The following PPP3CA variants were observed in gnomAD, a reference collection of about 807,000 sequenced individuals.
PPP3CA encodes protein phosphatase 3 catalytic subunit alpha, also known as CAM-PRP catalytic subunit.
A neutral mutation model predicts 66.5 loss-of-function variants in PPP3CA; 14 were observed. The ratio of observed to expected loss-of-function variants is 0.21; its 90% CI spans 0.14 to 0.33. The LOEUF (loss-of-function observed/expected upper bound fraction) is 0.33, where lower values mean the gene tolerates loss of function less well. Among genes scored for constraint, PPP3CA ranks in the 10% least tolerant of loss-of-function variants. The pLI, the probability that PPP3CA is intolerant of heterozygous loss-of-function variation, is 1.00. For missense variants in PPP3CA, 317 were observed against 639.5 expected, an observed-to-expected ratio of 0.50 and a Z score of 5.44; for synonymous variants, 232 against 226.2, an observed-to-expected ratio of 1.03 and a Z score of -0.23.
chr4:101,248,172 C>T (rs773910140), intron 1 of PPP3CA, among the ~76,000 whole-genome samples: 69 of 152,282 alleles, frequency 4.5e-4, no homozygotes, highest in Admixed American at 1.0e-3. Flanking sequence ...ACCAATACTT[C>T]GTTCCTTCCG....
At chr4:101,132,083 C>A (rs1722461599) in intron 2 of PPP3CA, among the ~76,000 whole-genome samples, 1 of 152,160 alleles carries the variant, frequency 6.6e-6, no homozygotes, top group Non-Finnish European at 1.5e-5. Flanking sequence ...GTACCAGATT[C>A]TCTGGGACAC....
intron 2 of PPP3CA, among the ~76,000 whole-genome samples, chr4:101,151,377 T>C (rs143914067): frequency 0.026 from 3,921 of 151,952 alleles, 190 homozygotes; most frequent in African/African-American, 0.088. Flanking sequence ...CTGGCCAAGA[T>C]GGTGAAACAC....
chr4:101,175,642 T>C (rs1194883228), intron 2 of PPP3CA, among the ~76,000 whole-genome samples: 1 of 152,198 alleles, frequency 6.6e-6, no homozygotes, highest in Non-Finnish European at 1.5e-5. Context: ...TTTGTAATTC[T>C]GCAGCTGTAT....
chr4:101,340,973 T>C (rs749050951), intron 1 of PPP3CA, among the ~76,000 whole-genome samples: 1 of 152,160 alleles, frequency 6.6e-6, no homozygotes, highest in Non-Finnish European at 1.5e-5. Flanking sequence ...TATATTTACC[T>C]GAACAGAAAG....
intron 10 of PPP3CA, among the ~76,000 whole-genome samples, chr4:101,042,708 T>C (rs1377026180): frequency 6.6e-6 from 1 of 152,160 alleles, no homozygotes; most frequent in African/African-American, 2.4e-5. Context: ...ATTAAGATTA[T>C]ACATCAAATT....
At chr4:101,096,454 C>T (rs969577469) in intron 5 of PPP3CA, among the ~76,000 whole-genome samples, 6 of 152,098 alleles carry the variant, frequency 3.9e-5, no homozygotes, top group Non-Finnish European at 5.9e-5. Context: ...CTGGTGATTG[C>T]GTCTTAAACA....
At chr4:101,127,464 T>C (rs149157054) in intron 2 of PPP3CA, among the ~76,000 whole-genome samples, 1 of 152,082 alleles carries the variant, frequency 6.6e-6, no homozygotes, top group East Asian at 1.9e-4. Flanking sequence ...AGAGAGGCCA[T>C]GTAAAGATGG....
At chr4:101,143,053 T>A (rs149382807) in intron 2 of PPP3CA, among the ~76,000 whole-genome samples, 1 of 152,274 alleles carries the variant, frequency 6.6e-6, no homozygotes, top group African/African-American at 2.4e-5. Flanking sequence ...TCTCCAGGTT[T>A]CTCCTTAGCC....
At chr4:101,159,962 A>T (rs1408541713) in intron 2 of PPP3CA, among the ~76,000 whole-genome samples, 2 of 152,168 alleles carry the variant, frequency 1.3e-5, no homozygotes, top group Non-Finnish European at 2.9e-5. Context: ...AACTATCTAT[A>T]AAATATTCTG....
At chr4:101,083,296 G>T in intron 6 of PPP3CA, 33 bp from the exon 7 acceptor site, 1 of 1,567,324 alleles carries the variant, frequency 6.4e-7, no homozygotes, top group Non-Finnish European at 8.8e-7. Context: ...GGAAGCATCT[G>T]TTAGGAAATC....
chr4:101,052,168 C>T lies in PPP3CA; in HGVS notation c.1156+8919G>A, dbSNP rs576748559. Among the ~76,000 whole-genome samples the T allele has an allele frequency of 1.4e-4, 22 of 152,114 alleles. 1 individual carries two copies. In the South Asian group the frequency reaches 3.9e-3, roughly 27 times the overall value. Reference sequence around the variant, plus strand: ...AGTACTTCTGATACCTATATTACTGCACCATTTTAATTGCTAAATTAAAAC... The same window carrying T: ...AGTACTTCTGATACCTATATTACTGTACCATTTTAATTGCTAAATTAAAAC... On this transcript the variant is annotated intron_variant, in intron 10 of 13. Coordinates refer to ENST00000394854, the MANE Select transcript of PPP3CA (RefSeq NM_000944.5).
chr4:101,256,062 C>T (rs1726830563), intron 1 of PPP3CA, among the ~76,000 whole-genome samples: 2 of 151,874 alleles, frequency 1.3e-5, no homozygotes, highest in South Asian at 4.1e-4. Flanking sequence ...ATATTCTTTT[C>T]TGCCCCTGAA....
intron 6 of PPP3CA, among the ~76,000 whole-genome samples, chr4:101,092,288 AAATGT>A (rs1160962787): frequency 6.6e-6 from 1 of 152,212 alleles, no homozygotes; most frequent in Non-Finnish European, 1.5e-5. Context: ...CCTGATAAAC[AAATGT>A]AAGAAGGAAT....
At position 101,139,512 on chromosome 4, in the gene PPP3CA, T is replaced by C. The variant is rs151248782; in HGVS notation, c.260-30434A>G. Among the ~76,000 whole-genome samples, 17 of 152,226 alleles carry C rather than the reference T, an allele frequency of 1.1e-4. No homozygotes were observed. The East Asian group carries it at 3.1e-3, about 28-fold the overall frequency. ...CTGTGTCCTCTAAGTACCCAGATTA[T>C]GCCTTGCATCTGTACATTGTGGGAG... is the stretch of plus-strand genomic sequence containing the variant. On this transcript the variant is annotated intron_variant, in intron 2 of 13. Transcript: ENST00000394854.
intron 2 of PPP3CA, among the ~76,000 whole-genome samples, chr4:101,127,994 C>T (rs1722299948): frequency 6.6e-6 from 1 of 152,168 alleles, no homozygotes; most frequent in Admixed American, 6.5e-5. Flanking sequence ...AGGATCCTTA[C>T]TGATGTCAGC....
chr4:101,092,143 G>A (rs1319422666), intron 6 of PPP3CA, among the ~76,000 whole-genome samples: 2 of 151,870 alleles, frequency 1.3e-5, no homozygotes, highest in Non-Finnish European at 2.9e-5. Flanking sequence ...CATGTAATGG[G>A]TAAATCTCTA....
intron 1 of PPP3CA, among the ~76,000 whole-genome samples, chr4:101,202,329 T>C (rs932184334): frequency 1.3e-5 from 2 of 152,208 alleles, no homozygotes; most frequent in Non-Finnish European, 2.9e-5. Context: ...AATACGTGAA[T>C]TCTGATTCTA....
intron 1 of PPP3CA, among the ~76,000 whole-genome samples, chr4:101,213,484 C>G (rs943159674): frequency 6.6e-6 from 1 of 151,950 alleles, no homozygotes; most frequent in Non-Finnish European, 1.5e-5. Flanking sequence ...ACTGATCTAG[C>G]GGTCTTAATT....
At chr4:101,244,762 G>A (rs947075975) in intron 1 of PPP3CA, among the ~76,000 whole-genome samples, 1 of 152,180 alleles carries the variant, frequency 6.6e-6, no homozygotes, top group African/African-American at 2.4e-5. Context: ...ACATGATTCA[G>A]TTAAGTTTGG....
Sources: allele counts gnomAD v4.1 joint callset (sites outside exome capture counted in the v4.1 genomes callset), GRCh38; gene constraint gnomAD v4.1.1; transcripts MANE v1.5; gene names NCBI Gene and HGNC (gene_info 2026-07-23, HGNC 2026-07-21).